Variants in OSBPL3 observed in about 807,000 individuals in gnomAD.
The protein encoded by OSBPL3 is oxysterol binding protein like 3.
Under a neutral mutation model 120.1 loss-of-function variants are expected in OSBPL3, and 65 were observed. The observed-to-expected ratio is 0.54, with a 90% CI of 0.44 to 0.67. The LOEUF (loss-of-function observed/expected upper bound fraction) is 0.67, where lower values mean the gene tolerates loss of function less well. Among genes scored for constraint, OSBPL3 ranks in the 30% least tolerant of loss-of-function variants. The probability of loss-of-function intolerance (pLI) is 0.00; values close to 1 mark genes in which losing one functional copy is unlikely to be tolerated. For missense variants in OSBPL3, 1,004 were observed against 1,082.1 expected (o/e 0.93, Z 1.01); for synonymous variants, 416 against 402.6 (o/e 1.03, Z -0.40).
intron 1 of OSBPL3, among the ~76,000 whole-genome samples, chr7:24,925,900 G>T (rs879700989): frequency 6.6e-6 from 1 of 152,160 alleles, no homozygotes; most frequent in Non-Finnish European, 1.5e-5. Flanking sequence ...TAGTTTCCAC[G>T]GATCACTATA....
intron 1 of OSBPL3, among the ~76,000 whole-genome samples, chr7:24,909,639 AG>A (rs1808481283): frequency 1.3e-5 from 2 of 152,148 alleles, no homozygotes; most frequent in Non-Finnish European, 2.9e-5. Flanking sequence ...TAGGAACCTT[AG>A]GTCACCTCTG....
intron 1 of OSBPL3, among the ~76,000 whole-genome samples, chr7:24,923,599 G>C (rs1371282526): frequency 6.6e-6 from 1 of 152,058 alleles, no homozygotes; most frequent in African/African-American, 2.4e-5. Context: ...AGATAAGAGA[G>C]ATTGACAGAC....
intron 1 of OSBPL3, among the ~76,000 whole-genome samples, chr7:24,893,105 C>T (rs62450585): frequency 0.17 from 25,413 of 152,034 alleles, 2,266 homozygotes; most frequent in East Asian, 0.31. Context: ...TCATATGATC[C>T]AGTAATTCCA....
intron 12 of OSBPL3, among the ~76,000 whole-genome samples, chr7:24,845,384 TAAAAAAAAA>T (rs34559902): frequency 7.7e-4 from 48 of 62,260 alleles, no homozygotes; most frequent in Admixed American, 1.6e-3. Context: ...GCAAAATAAG[TAAAAAAAAA>T]AAAAAAAAAA....
chr7:24,806,744 T>G lies in OSBPL3; in HGVS notation c.2444+32A>C. ...GACTTTTTGTAAAGGGTTTTACATC[T>G]CTGGAGAGAAAAATCTTTAAAAAAT... is the stretch of plus-strand genomic sequence containing the variant. On this transcript the variant is annotated intron_variant, in intron 21 of 22. Coordinates refer to ENST00000313367, the MANE Select transcript of OSBPL3 (RefSeq NM_015550.4). This position sits in a 1 kb window ranked among gnomAD's most constrained non-coding sequence, Gnocchi z 5.2. 1.2e-6 allele frequency: 2 copies of G among 1,609,168 alleles called. No homozygotes were observed. The highest frequency in any genetic ancestry group is 1.7e-6 in the Non-Finnish European group (2 of 1,177,080).
At position 24,979,553 on chromosome 7, in the gene OSBPL3, G is replaced by C. The variant is rs184497223; in HGVS notation, c.-150+333C>G. Reference sequence around the variant, plus strand: ...AGCCCCGGCGTAGCGCCTCCCCGCTGCCCAGGACAGCTCCGCGCGCCGCGT... The same window carrying C: ...AGCCCCGGCGTAGCGCCTCCCCGCTCCCCAGGACAGCTCCGCGCGCCGCGT... On this transcript the variant is annotated intron_variant, in intron 1 of 22. Coordinates refer to ENST00000313367, the MANE Select transcript of OSBPL3 (RefSeq NM_015550.4). 2.6e-3 allele frequency among the ~76,000 whole-genome samples: 394 copies of C among 152,304 alleles called. 2 individuals are homozygous for C. The highest frequency in any genetic ancestry group is 0.019 in the Admixed American group (289 of 15,300).
rs868406035 is a variant in OSBPL3 at position 24,913,087 on chromosome 7, G to A, written c.-149-20466C>T. Among the ~76,000 whole-genome samples, 14 of 152,332 alleles carry A rather than the reference G, an allele frequency of 9.2e-5. No homozygotes were observed. The highest frequency in any genetic ancestry group is 3.4e-3 in the Middle Eastern group (1 of 294). On this transcript the variant is annotated intron_variant, in intron 1 of 22. Transcript: ENST00000313367. This position sits in a 1 kb window ranked among gnomAD's most constrained non-coding sequence, Gnocchi z 5.3. The stretch of plus-strand genomic sequence containing the variant: ...CATGTGACTGAGCAAGGATTCAAAT[G>A]TCCCAGCCTCCAGCCTTCCTGCTGT...
At chr7:24,846,183 C>T (rs189047983) in intron 12 of OSBPL3, among the ~76,000 whole-genome samples, 1 of 152,290 alleles carries the variant, frequency 6.6e-6, no homozygotes, top group East Asian at 1.9e-4. Flanking sequence ...CTTATTTTAA[C>T]TGCTGGAGCT....
In OSBPL3 at chr7:24,833,931, C is replaced by T. The variant is rs781397069; in HGVS notation, c.1746+555G>A. Among the ~76,000 whole-genome samples the T allele has an allele frequency of 1.8e-4, 27 of 151,876 alleles. No individual in the cohort carries two copies. Among genetic ancestry groups the T allele is most frequent in the African/African-American group, 5.1e-4 (21 of 41,310 alleles). On this transcript the variant is annotated intron_variant, in intron 15 of 22. Transcript: ENST00000313367. This position sits in a 1 kb window ranked among gnomAD's most constrained non-coding sequence, Gnocchi z 4.4. The stretch of plus-strand genomic sequence containing the variant: ...CAGTAGGGAAGAGAAGGCTTTTCTA[C>T]GATTTTTTTTAAGTACTCTATAAAA...
At position 24,933,356 on chromosome 7, in the gene OSBPL3, C is replaced by A. The variant is rs1812021685; in HGVS notation, c.-149-40735G>T. The stretch of plus-strand genomic sequence containing the variant: ...CCCATGAAGGTAAAAAGCAACCTTG[C>A]CAACATACACCCTTTAGAACATTTT... On this transcript the variant is annotated intron_variant, in intron 1 of 22. Transcript: ENST00000313367. This position sits in a 1 kb window ranked among gnomAD's most constrained non-coding sequence, Gnocchi z 5.1. Among the ~76,000 whole-genome samples, 1 of 152,112 alleles carries A rather than the reference C, an allele frequency of 6.6e-6. No individual in the cohort carries two copies. The highest frequency in any genetic ancestry group is 1.5e-5 in the Non-Finnish European group (1 of 68,024).
rs80010323 is a variant in OSBPL3 at position 24,851,481 on chromosome 7, C to A, written c.1158+1023G>T. Among the ~76,000 whole-genome samples the A allele has an allele frequency of 2.0e-5, 3 of 152,076 alleles. No individual in the cohort carries two copies. Among genetic ancestry groups the A allele is most frequent in the Non-Finnish European group, 4.4e-5 (3 of 68,020 alleles). ...AAGAGCATCACTTTTCTTGGCAATA[C>A]GATAAATAGAAAATATGAATCAACA... On this transcript the variant is annotated intron_variant, in intron 11 of 22. Transcript: ENST00000313367. This position sits in a 1 kb window ranked among gnomAD's most constrained non-coding sequence, Gnocchi z 4.1.
rs1033128498 is a variant in OSBPL3, at chr7:24,965,303, T to C, written c.-150+14583A>G. ...CTAGATATAAGTATGAGCTCAACTA[T>C]TTTTGCCCCTAGGGTAAGTCAGTCA... On this transcript the variant is annotated intron_variant, in intron 1 of 22. Transcript: ENST00000313367. The surrounding 1 kb of genome is among the most constrained non-coding windows in gnomAD (Gnocchi z 4.3). Among the ~76,000 whole-genome samples, 1 of 152,214 alleles carries C rather than the reference T, an allele frequency of 6.6e-6. No individual in the cohort carries two copies. Among genetic ancestry groups the C allele is most frequent in the Non-Finnish European group, 1.5e-5 (1 of 68,030 alleles).
rs1371453672 is a variant in OSBPL3, at chr7:24,813,602, A to G, written c.2172+1457T>C. Reference sequence around the variant, plus strand: ...GTCATTATGGGCTTTATGTCTGTCTATAATCCAGTTTGAGGCTATAATAAA... The same window carrying G: ...GTCATTATGGGCTTTATGTCTGTCTGTAATCCAGTTTGAGGCTATAATAAA... On this transcript the variant is annotated intron_variant, in intron 19 of 22. Coordinates refer to ENST00000313367, the MANE Select transcript of OSBPL3 (RefSeq NM_015550.4). This position sits in a 1 kb window ranked among gnomAD's most constrained non-coding sequence, Gnocchi z 4.5. 1.3e-5 allele frequency among the ~76,000 whole-genome samples: 2 copies of G among 152,152 alleles called. No individual in the cohort carries two copies. The highest frequency in any genetic ancestry group is 2.4e-5 in the African/African-American group (1 of 41,420).
rs148312642 is a variant in OSBPL3 at position 24,834,710 on chromosome 7, C to A, written c.1522G>T (p.Ala508Ser). 15 of 1,612,322 alleles carry A rather than the reference C, an allele frequency of 9.3e-6. No individual in the cohort carries two copies. The African/African-American group carries it at 2.0e-4, about 22-fold the overall frequency. Residue 508 changes from alanine (A) to serine (S), a missense_variant, in exon 15 of 23, where the codon GCG becomes TCG. Around this residue, in one of 4 missense-constraint regions of OSBPL3, gnomAD observed 473 missense variants for 568.0 expected, o/e 0.83. Coordinates refer to ENST00000313367, the MANE Select transcript of OSBPL3 (RefSeq NM_015550.4). The surrounding 1 kb of genome is among the most constrained non-coding windows in gnomAD (Gnocchi z 5.2). ...AGGCACGTTCTTCTCCGGGACTTCG[C>A]TTCCCGACCACTATCAAGGACAGGC... ...LGPVLDSGRE[A>S]KSRRRTCLPA...
Position 24,800,113 on chromosome 7 carries a change from A to G in OSBPL3, c.*70T>C. The G allele has an allele frequency of 1.2e-6, 1 of 818,450 alleles. No individual in the cohort carries two copies. Among genetic ancestry groups the G allele is most frequent in the Non-Finnish European group, 2.1e-6 (1 of 469,792 alleles). 50.7% of individuals were successfully genotyped at this position (818,450 alleles called of 1,614,324 possible). ...TAGAGTATCTTTTAAATATATAAAC[A>G]CAGGTTTGTGCCACTTCAGAAGGCA... is the stretch of plus-strand genomic sequence containing the variant. On this transcript the variant is annotated 3_prime_UTR_variant, in exon 23 of 23. Coordinates refer to ENST00000313367, the MANE Select transcript of OSBPL3 (RefSeq NM_015550.4).
At chr7:24,826,016 C>T (rs1259963476) in intron 16 of OSBPL3, among the ~76,000 whole-genome samples, 1 of 152,186 alleles carries the variant, frequency 6.6e-6, no homozygotes. Context: ...CATATCCTTT[C>T]AACACCAAAC....
chr7:24,892,736 G>C (rs577086057), intron 1 of OSBPL3, 115 bp from the exon 2 acceptor site: 2 of 597,792 alleles, frequency 3.3e-6, no homozygotes, highest in East Asian at 8.9e-5. Flanking sequence ...ACGATGTTTA[G>C]CTATAGCAGG....
chr7:24,935,509 C>A (rs529826546), intron 1 of OSBPL3, among the ~76,000 whole-genome samples: 1 of 152,118 alleles, frequency 6.6e-6, no homozygotes, highest in South Asian at 2.1e-4. Context: ...GAGAAAACTA[C>A]AAGGGAACTT....
chr7:24,962,428 G>A (rs1468591739), intron 1 of OSBPL3, among the ~76,000 whole-genome samples: 1 of 37,030 alleles, frequency 2.7e-5, no homozygotes, highest in Non-Finnish European at 5.5e-5. Flanking sequence ...GGGGAGGGGA[G>A]AGGAGAGAGG....
Sources: allele counts gnomAD v4.1 joint callset (sites outside exome capture counted in the v4.1 genomes callset), GRCh38; gene constraint gnomAD v4.1.1; regional missense constraint gnomAD v4.1.1; non-coding constraint Gnocchi (gnomAD v3.1); transcripts MANE v1.5; gene names NCBI Gene and HGNC (gene_info 2026-07-23, HGNC 2026-07-21).